The following CCDC157 variants were observed in gnomAD, a reference collection of about 807,000 sequenced individuals.
The protein encoded by CCDC157 is coiled-coil domain-containing protein 157.
A neutral mutation model predicts 70.9 loss-of-function variants in CCDC157; 60 were observed. That is an observed-to-expected ratio of 0.85 (90% CI 0.69 to 1.05). The LOEUF (loss-of-function observed/expected upper bound fraction) is 1.05, where lower values mean the gene tolerates loss of function less well. CCDC157 is among the 50% of genes least tolerant of loss of function. The pLI is 0.00. For missense variants in CCDC157, 943 were observed against 984.2 expected, an observed-to-expected ratio of 0.96 and a Z score of 0.56; for synonymous variants, 373 against 422.4, an observed-to-expected ratio of 0.88 and a Z score of 1.43.
chr22:30,362,428 A>C (rs1932411200), intron 2 of CCDC157, among the ~76,000 whole-genome samples: 1 of 151,962 alleles, frequency 6.6e-6, no homozygotes. Context: ...GGGGGGCCTG[A>C]GGGAGGTGTC....
At chr22:30,368,834 TATA>T (rs1234593060) in intron 3 of CCDC157, 1 of 152,290 alleles carries the variant, frequency 6.6e-6, no homozygotes, top group East Asian at 1.9e-4. Context: ...AGCTTTTTAT[TATA>T]ATACTCCTTT....
At position 30,377,953 on chromosome 22, in the gene CCDC157, A is replaced by G. The variant is rs924257179; in HGVS notation, c.*1208A>G. The G allele has an allele frequency of 5.0e-5, 18 of 356,856 alleles. No homozygotes were observed. Among genetic ancestry groups the G allele is most frequent in the Non-Finnish European group, 9.6e-5 (17 of 177,434 alleles). 22.1% of individuals were successfully genotyped at this position (356,856 alleles called of 1,614,324 possible). ...GGTCCCAGAGGGCTGAAATTGAGGC[A>G]TCTACCAGGTTGCGTTCCTTTCTGC... On this transcript the variant is annotated 3_prime_UTR_variant, in exon 12 of 12. Coordinates refer to ENST00000338306, the MANE Select transcript of CCDC157 (RefSeq NM_001017437.5).
Position 30,370,425 on chromosome 22 carries a change from T to A in CCDC157, c.520T>A (p.Ser174Thr). The A allele has an allele frequency of 6.2e-7, 1 of 1,613,946 alleles. No individual in the cohort carries two copies. Among genetic ancestry groups the A allele is most frequent in the Non-Finnish European group, 8.5e-7 (1 of 1,179,982 alleles). Residue 174 changes from serine (S) to threonine (T), a missense_variant, in exon 5 of 12, where the codon TCC becomes ACC. Ser to Thr is a moderately conservative substitution (Grantham distance 58). Coordinates refer to ENST00000338306, the MANE Select transcript of CCDC157 (RefSeq NM_001017437.5). ...EYLTTKLIKP[S>T]SPVLGLPQTC... ...TCTGACTACCAAGTTAATCAAGCCC[T>A]CCTCCCCAGTGCTAGGCTTGCCCCA... is the stretch of plus-strand genomic sequence containing the variant.
intron 3 of CCDC157, chr22:30,369,156 T>G (rs1940147014): frequency 6.6e-6 from 2 of 302,064 alleles, no homozygotes; most frequent in Middle Eastern, 1.8e-3. Flanking sequence ...CAGGCCTGGC[T>G]TCACAGAGCT....
chr22:30,375,892 A>C, intron 10 of CCDC157: 1 of 569,256 alleles, frequency 1.8e-6, no homozygotes, highest in South Asian at 2.4e-5. Flanking sequence ...TAAGTGCAGC[A>C]AGAAGCCTCG....
In CCDC157 at chr22:30,378,218, T is replaced by C; in HGVS notation, c.*1473T>C. 5 of 468,798 alleles carry C rather than the reference T, an allele frequency of 1.1e-5. No individual in the cohort carries two copies. The highest frequency in any genetic ancestry group is 7.8e-5 in the South Asian group (5 of 64,428). 29.0% of individuals were successfully genotyped at this position (468,798 alleles called of 1,614,324 possible). ...TCAAATCCCTGACTTCCTCCTCTTC[T>C]ACCAGCAGAAAACTACTTTGAATAG... On this transcript the variant is annotated 3_prime_UTR_variant, in exon 12 of 12. Transcript: ENST00000338306.
chr22:30,372,518 C>A, intron 7 of CCDC157: 1 of 501,140 alleles, frequency 2.0e-6, no homozygotes, highest in Non-Finnish European at 3.3e-6. Context: ...GAAGAGCGCC[C>A]CACAGGCAAA....
chr22:30,365,913 G>T (rs1188353587), intron 2 of CCDC157, 77 bp from the exon 3 acceptor site: 1 of 1,376,750 alleles, frequency 7.3e-7, no homozygotes, highest in African/African-American at 1.4e-5. Flanking sequence ...CTCCTGGGCA[G>T]ATGAGGGTTT....
intron 4 of CCDC157, chr22:30,370,053 C>T (rs931589099): frequency 1.8e-5 from 10 of 545,356 alleles, no homozygotes; most frequent in African/African-American, 7.6e-5. Context: ...CAGCTGTGAC[C>T]GTCACCATCA....
rs556806068 is a variant in CCDC157 at position 30,373,625 on chromosome 22, T to C, written c.1364T>C (p.Leu455Pro). The change falls in exon 8 of 12, where the codon CTA becomes CCA. Residue 455 changes from leucine (L) to proline (P), a missense_variant. Physicochemically the swap from Leu to Pro is moderately conservative, Grantham distance 98. Transcript: ENST00000338306. ...CTGCAGGCCAAGCAGCGAGCCCTGC[T>C]AAAGCAGCTGGACAGCCTGGACCAG... is the stretch of plus-strand genomic sequence containing the variant. Reference protein sequence around the residue: ...ESLQAKQRALLKQLDSLDQER... With the variant: ...ESLQAKQRALPKQLDSLDQER... 1 of 1,556,584 alleles carries C rather than the reference T, an allele frequency of 6.4e-7. No homozygotes were observed. The highest frequency in any genetic ancestry group is 1.4e-5 in the African/African-American group (1 of 73,474).
intron 1 of CCDC157, among the ~76,000 whole-genome samples, chr22:30,360,918 G>A (rs5997623): frequency 0.67 from 102,418 of 152,018 alleles, 35,485 homozygotes; most frequent in South Asian, 0.83. Context: ...ATGGTGGCAC[G>A]TGCCTGTAGT....
chr22:30,374,457 A>G (rs1483640670), intron 9 of CCDC157: 2 of 478,460 alleles, frequency 4.2e-6, no homozygotes, highest in South Asian at 3.1e-5. Context: ...CCCAAACCAC[A>G]CCATGGGACT....
intron 5 of CCDC157, 185 bp from the exon 6 acceptor site, chr22:30,371,465 C>A: frequency 3.3e-6 from 2 of 602,898 alleles, no homozygotes; most frequent in Non-Finnish European, 5.9e-6. Flanking sequence ...GGCAGCCAGC[C>A]CATGAGAAGC....
chr22:30,371,213 G>A (rs534804321), intron 5 of CCDC157: 11 of 559,030 alleles, frequency 2.0e-5, no homozygotes, highest in South Asian at 1.9e-4. Context: ...TGAGGGAACC[G>A]AGGTATGTAT....
chr22:30,356,747 G>T, upstream of CCDC157: 1 of 1,492,240 alleles, frequency 6.7e-7, no homozygotes. Flanking sequence ...GGCTCCGTGG[G>T]CACGGGCGGC....
chr22:30,363,766 G>A (rs887320093), intron 2 of CCDC157, among the ~76,000 whole-genome samples: 1 of 142,896 alleles, frequency 7.0e-6, no homozygotes, highest in Non-Finnish European at 1.5e-5. Flanking sequence ...TCGGCTCACT[G>A]CAACCTCCAC....
intron 9 of CCDC157, chr22:30,374,385 C>T (rs774323102): frequency 6.4e-5 from 38 of 591,844 alleles, no homozygotes; most frequent in South Asian, 2.9e-4. Context: ...CTCTTCACTA[C>T]GTCACATGCT....
In CCDC157 at chr22:30,376,513, A is replaced by C. The variant is rs769682251; in HGVS notation, c.2027A>C (p.Gln676Pro). The change falls in exon 12 of 12, where the codon CAG becomes CCG. Residue 676 changes from glutamine to proline, a missense_variant. Gln to Pro is a moderately conservative substitution (Grantham distance 76). Transcript: ENST00000338306. ...LGQPCTSPPR[Q>P]PCTSPPRQPC... is the part of the protein sequence containing the mutation. Reference sequence around the variant, plus strand: ...CAGCCCTGCACATCCCCACCTCGGCAGCCCTGCACATCCCCACCTCGGCAG... The same window carrying C: ...CAGCCCTGCACATCCCCACCTCGGCCGCCCTGCACATCCCCACCTCGGCAG... The C allele has an allele frequency of 6.2e-7, 1 of 1,613,254 alleles. No individual in the cohort carries two copies. Among genetic ancestry groups the C allele is most frequent in the Admixed American group, 1.7e-5 (1 of 59,960 alleles).
At chr22:30,362,936 A>C (rs1176702399) in intron 2 of CCDC157, among the ~76,000 whole-genome samples, 1 of 152,110 alleles carries the variant, frequency 6.6e-6, no homozygotes, top group Non-Finnish European at 1.5e-5. Context: ...GACTTGCTGG[A>C]GGCAGAAGGG....
Sources: allele counts gnomAD v4.1 joint callset (sites outside exome capture counted in the v4.1 genomes callset), GRCh38; gene constraint gnomAD v4.1.1; transcripts MANE v1.5; gene names NCBI Gene and HGNC (gene_info 2026-07-23, HGNC 2026-07-21).